The following FSTL5 variants were observed in gnomAD, a reference collection of about 807,000 sequenced individuals.
The protein encoded by FSTL5 is follistatin like 5, also known as follistatin-related protein 5.
FSTL5 carries 62 observed loss-of-function variants against 89.1 expected under a neutral mutation model. That is an observed-to-expected ratio of 0.70 (90% CI 0.57 to 0.86). The LOEUF is 0.86. Ranked by LOEUF, FSTL5 falls within the 40% of genes least tolerant of loss-of-function variation. The probability of loss-of-function intolerance (pLI) is 0.00; values close to 1 mark genes in which losing one functional copy is unlikely to be tolerated. For missense variants in FSTL5, 1,057 were observed against 1,001.6 expected (o/e 1.06, Z -0.75); for synonymous variants, 383 against 346.2 (o/e 1.11, Z -1.18).
intron 10 of FSTL5, among the ~76,000 whole-genome samples, chr4:161,535,214 G>T (rs2126535659): frequency 6.6e-6 from 1 of 152,060 alleles, no homozygotes; most frequent in South Asian, 2.1e-4. Context: ...AATAATAATT[G>T]ACAAGAGTGC....
Position 161,500,129 on chromosome 4 carries a change from C to T in FSTL5, c.1345G>A (p.Gly449Arg). The T allele has an allele frequency of 6.4e-7, 1 of 1,568,236 alleles. No individual in the cohort carries two copies. Among genetic ancestry groups the T allele is most frequent in the Non-Finnish European group, 8.7e-7 (1 of 1,144,020 alleles). ...AAAACATAGAACATGTTCCCAATTC[C>T]CAGACCTTAGGAATAAAAACACATT... The part of the protein sequence containing the change: ...ANILWREEGL[G>R]IGNMFYVFYE... Residue 449 changes from glycine to arginine, a missense_variant, in exon 12 of 16, where the codon GGA (glycine) becomes AGA (arginine). Gly to Arg is a moderately radical substitution (Grantham distance 125). Transcript: ENST00000306100.
At chr4:161,462,726 A>G (rs1051725669) in intron 13 of FSTL5, among the ~76,000 whole-genome samples, 2 of 152,222 alleles carry the variant, frequency 1.3e-5, no homozygotes, top group South Asian at 2.1e-4. Context: ...TACTACTACT[A>G]CCATTAGAAA....
At chr4:161,481,462 A>G (rs1729504210) in intron 12 of FSTL5, among the ~76,000 whole-genome samples, 1 of 152,066 alleles carries the variant, frequency 6.6e-6, no homozygotes, top group Non-Finnish European at 1.5e-5. Flanking sequence ...CAACTTCAGA[A>G]AGTCCAACAT....
chr4:161,638,167 A>G (rs549057195), intron 7 of FSTL5, among the ~76,000 whole-genome samples: 115 of 151,492 alleles, frequency 7.6e-4, no homozygotes, highest in African/African-American at 1.6e-3. Flanking sequence ...TTCTCCTTGA[A>G]GAGATCCTTC....
intron 8 of FSTL5, among the ~76,000 whole-genome samples, chr4:161,581,675 G>A (rs2126600228): frequency 6.6e-6 from 1 of 152,274 alleles, no homozygotes; most frequent in East Asian, 1.9e-4. Context: ...AACTTTGAAG[G>A]AGAAAAATCA....
chr4:161,920,175 A>T (rs953436345), intron 4 of FSTL5, among the ~76,000 whole-genome samples: 2 of 152,190 alleles, frequency 1.3e-5, no homozygotes. Flanking sequence ...GCTGAAAGCT[A>T]TATTAAATTT....
chr4:161,438,235 T>C, intron 15 of FSTL5, among the ~76,000 whole-genome samples: 1 of 152,238 alleles, frequency 6.6e-6, no homozygotes, highest in African/African-American at 2.4e-5. Context: ...TGAGATAATG[T>C]TGAGCCATCT....
At chr4:162,062,535 G>A (rs1161122120) in intron 2 of FSTL5, among the ~76,000 whole-genome samples, 1 of 151,448 alleles carries the variant, frequency 6.6e-6, no homozygotes, top group East Asian at 1.9e-4. Context: ...TTTCTTCTTG[G>A]AACAATTTAC....
intron 15 of FSTL5, among the ~76,000 whole-genome samples, chr4:161,415,687 GAGAA>G (rs946216821): frequency 4.0e-5 from 6 of 149,416 alleles, no homozygotes; most frequent in African/African-American, 9.8e-5. Flanking sequence ...GAGAAAGAGA[GAGAA>G]AGAGAGAGAG....
chr4:161,575,230 G>C (rs1733167364), intron 8 of FSTL5, among the ~76,000 whole-genome samples: 1 of 151,698 alleles, frequency 6.6e-6, no homozygotes, highest in Non-Finnish European at 1.5e-5. Context: ...ATTCCTTGTA[G>C]ATTCCGGATA....
chr4:161,655,685 C>T (rs1217591251), intron 7 of FSTL5, among the ~76,000 whole-genome samples: 1 of 152,074 alleles, frequency 6.6e-6, no homozygotes, highest in Admixed American at 6.6e-5. Context: ...TTAGAACCAA[C>T]ACTGTGAATT....
At chr4:162,148,770 G>A (rs1412889432) in intron 1 of FSTL5, among the ~76,000 whole-genome samples, 1 of 152,070 alleles carries the variant, frequency 6.6e-6, no homozygotes, top group Non-Finnish European at 1.5e-5. Context: ...TGTATTTTCT[G>A]AGTCAGGCAT....
intron 4 of FSTL5, among the ~76,000 whole-genome samples, chr4:161,863,251 T>A (rs921276065): frequency 6.6e-6 from 1 of 152,216 alleles, no homozygotes; most frequent in Non-Finnish European, 1.5e-5. Context: ...CAGTGTATAA[T>A]CATGATGAAC....
intron 4 of FSTL5, among the ~76,000 whole-genome samples, chr4:161,895,550 T>G (rs2110770622): frequency 6.6e-6 from 1 of 152,296 alleles, no homozygotes. Flanking sequence ...TTCAGAATTT[T>G]TGGAATCATC....
At position 161,476,183 on chromosome 4, in the gene FSTL5, T is replaced by TGTTTTG. The variant is rs1460965995; in HGVS notation, c.1608+4836_1608+4837insCAAAAC. 2.7e-4 allele frequency among the ~76,000 whole-genome samples: 29 copies of TGTTTTG among 105,774 alleles called. 1 individual carries two copies. The highest frequency in any genetic ancestry group is 9.9e-4 in the African/African-American group (28 of 28,172). 69.4% of individuals were successfully genotyped at this position (105,774 alleles called of 152,430 possible). On this transcript the variant is annotated intron_variant, in intron 13 of 15. Transcript: ENST00000306100. ...TCTTCAAGTTTGCTGGTTTTTTTTTTTTTTTGTTTGTTTGTTTTTTTGAGA... is the reference window on the plus strand; with the variant it reads ...TCTTCAAGTTTGCTGGTTTTTTTTTTGTTTTGTTTTTGTTTGTTTGTTTTTTTGAGA...
At chr4:161,894,960 A>T (rs1017263893) in intron 4 of FSTL5, among the ~76,000 whole-genome samples, 4 of 152,248 alleles carry the variant, frequency 2.6e-5, no homozygotes, top group Non-Finnish European at 5.9e-5. Context: ...ATCAATCATT[A>T]TAATAGCTAT....
chr4:161,516,510 TATAC>T (rs1262276809), intron 10 of FSTL5, among the ~76,000 whole-genome samples: 1 of 147,578 alleles, frequency 6.8e-6, no homozygotes, highest in African/African-American at 2.5e-5. Context: ...TTATTATATA[TATAC>T]ACACATATAT....
At chr4:162,005,117 C>T (rs557516973) in intron 3 of FSTL5, among the ~76,000 whole-genome samples, 1 of 152,184 alleles carries the variant, frequency 6.6e-6, no homozygotes, top group Non-Finnish European at 1.5e-5. Flanking sequence ...CTATTTCTCT[C>T]GCTCCATTGT....
At chr4:161,474,247 G>A (rs139245992) in intron 13 of FSTL5, among the ~76,000 whole-genome samples, 179 of 151,642 alleles carry the variant, frequency 1.2e-3, no homozygotes, top group African/African-American at 3.5e-3. Context: ...GATCTCTTTC[G>A]GTTATGTCAC....
Sources: gnomAD v4.1 joint callset for allele counts (sites outside exome capture counted in the v4.1 genomes callset) on GRCh38, gnomAD v4.1.1 for gene constraint, MANE v1.5 for transcripts, NCBI Gene and HGNC (gene_info 2026-07-23, HGNC 2026-07-21) for gene names.